MYO5B: variants seen among roughly 807,000 people sequenced by gnomAD.
MYO5B encodes the protein unconventional myosin-Vb.
A neutral mutation model predicts 229.3 loss-of-function variants in MYO5B; 143 were observed. That is an observed-to-expected ratio of 0.62 (90% CI 0.54 to 0.72). The LOEUF (loss-of-function observed/expected upper bound fraction) is 0.72, where lower values mean the gene tolerates loss of function less well. Ranked by LOEUF, MYO5B falls within the 30% of genes least tolerant of loss-of-function variation. MYO5B has a pLI of 0.00. For missense variants in MYO5B, 2,321 were observed against 2,331.0 expected, an observed-to-expected ratio of 1.00 and a Z score of 0.09; for synonymous variants, 918 against 885.2, an observed-to-expected ratio of 1.04 and a Z score of -0.66.
At chr18:50,037,800 G>A (rs2029889466) in intron 3 of MYO5B, among the ~76,000 whole-genome samples, 1 of 152,174 alleles carries the variant, frequency 6.6e-6, no homozygotes, top group Non-Finnish European at 1.5e-5. Flanking sequence ...AGGAGTCTGA[G>A]AGGAATGCTT....
intron 1 of MYO5B, among the ~76,000 whole-genome samples, chr18:50,166,563 G>T (rs187349460): frequency 6.6e-6 from 1 of 151,936 alleles, no homozygotes; most frequent in Admixed American, 6.6e-5. Context: ...TAATTTACTG[G>T]GACTTTTTCA....
intron 1 of MYO5B, among the ~76,000 whole-genome samples, chr18:50,177,012 C>T (rs921882066): frequency 6.6e-6 from 1 of 152,154 alleles, no homozygotes; most frequent in South Asian, 2.1e-4. Flanking sequence ...AAACATGTTG[C>T]ACTGTAAGGG....
intron 18 of MYO5B, among the ~76,000 whole-genome samples, chr18:49,910,692 G>A (rs2024948220): frequency 6.6e-6 from 1 of 152,164 alleles, no homozygotes; most frequent in South Asian, 2.1e-4. Context: ...CTAGACTTGA[G>A]CAGCTAAGAT....
intron 1 of MYO5B, among the ~76,000 whole-genome samples, chr18:50,075,252 A>G (rs2031052739): frequency 6.6e-6 from 1 of 152,094 alleles, no homozygotes; most frequent in African/African-American, 2.4e-5. Context: ...TTGGGATTCC[A>G]TGGGTATGGA....
At chr18:49,983,241 G>A (rs144835067) in intron 8 of MYO5B, among the ~76,000 whole-genome samples, 22 of 152,268 alleles carry the variant, frequency 1.4e-4, no homozygotes, top group African/African-American at 4.6e-4. Flanking sequence ...AGGGTATTCC[G>A]GCGATTTGCA....
intron 17 of MYO5B, among the ~76,000 whole-genome samples, chr18:49,917,400 T>A (rs1480611914): frequency 4.0e-5 from 6 of 151,700 alleles, no homozygotes; most frequent in Non-Finnish European, 5.9e-5. Flanking sequence ...CCATGCAGCA[T>A]CTTTGGATCA....
At chr18:50,066,888 C>CA (rs1409846811) in intron 1 of MYO5B, among the ~76,000 whole-genome samples, 4 of 152,130 alleles carry the variant, frequency 2.6e-5, no homozygotes, top group African/African-American at 9.7e-5. Context: ...ATTGAGCTGT[C>CA]AGATAACCAT....
At chr18:49,941,640 A>G (rs1025839550) in intron 14 of MYO5B, among the ~76,000 whole-genome samples, 5 of 152,072 alleles carry the variant, frequency 3.3e-5, no homozygotes, top group African/African-American at 9.7e-5. Flanking sequence ...TCCTATTCTC[A>G]GCTTCTCAGC....
chr18:50,076,324 T>C (rs965256412), intron 1 of MYO5B, among the ~76,000 whole-genome samples: 1 of 152,020 alleles, frequency 6.6e-6, no homozygotes, highest in African/African-American at 2.4e-5. Flanking sequence ...TGGACGATCA[T>C]ACCATGTTCC....
Position 50,092,245 on chromosome 18 carries a change from A to G in MYO5B, c.28-36867T>C, listed in dbSNP as rs539582780. On this transcript the variant is annotated intron_variant, in intron 1 of 39. Coordinates refer to ENST00000285039, the MANE Select transcript of MYO5B (RefSeq NM_001080467.3). ...ATTAGAAGAGAAAAATGATAAGCCA[A>G]AAAACTGTAGTAGCAGATGCAGCCC... Among the ~76,000 whole-genome samples the G allele has an allele frequency of 8.5e-5, 13 of 152,378 alleles. No individual in the cohort carries two copies. The South Asian group carries it at 2.1e-3, about 24-fold the overall frequency.
chr18:49,859,165 G>A (rs1011865836), intron 29 of MYO5B, among the ~76,000 whole-genome samples: 3 of 152,318 alleles, frequency 2.0e-5, no homozygotes, highest in East Asian at 1.9e-4. Context: ...TAATGAGCCC[G>A]TGGCCCGGGC....
intron 1 of MYO5B, among the ~76,000 whole-genome samples, chr18:50,084,560 T>C (rs1159939929): frequency 1.1e-4 from 16 of 152,268 alleles, no homozygotes; most frequent in Non-Finnish European, 1.6e-4. Flanking sequence ...GCTCTGATGG[T>C]AGTGACAACA....
chr18:50,087,947 G>A (rs1027498228), intron 1 of MYO5B, among the ~76,000 whole-genome samples: 3 of 152,224 alleles, frequency 2.0e-5, no homozygotes, highest in African/African-American at 7.2e-5. Flanking sequence ...CAGGGGTTGG[G>A]TACCACAGAA....
intron 1 of MYO5B, among the ~76,000 whole-genome samples, chr18:50,163,979 AG>A (rs535837051): frequency 0.01 from 1,227 of 118,196 alleles, 13 homozygotes; most frequent in African/African-American, 0.034. Context: ...TCTATTTAAA[AG>A]AAAAATATCA....
At position 49,826,564 on chromosome 18, in the gene MYO5B, A is replaced by G; in HGVS notation, c.5454T>C (p.Phe1818=). 6.2e-7 allele frequency: 1 copy of G among 1,614,074 alleles called. No homozygotes were observed. Among genetic ancestry groups the G allele is most frequent in the Non-Finnish European group, 8.5e-7 (1 of 1,179,958 alleles). The stretch of plus-strand genomic sequence containing the variant: ...ATGGATTAAATGGAAACAAAACAGG[A>G]AACATGTGCTTGGCATCTAATAGCA... The part of the protein sequence containing the change: ...QQLLLDAKHM[F]PVLFPFNPSS... Residue 1818 remains phenylalanine (F), a synonymous_variant, in exon 40 of 40, where the codon TTT becomes TTC. Transcript: ENST00000285039.
At chr18:49,975,732 C>T (rs2025742801) in intron 9 of MYO5B, among the ~76,000 whole-genome samples, 1 of 152,092 alleles carries the variant, frequency 6.6e-6, no homozygotes. Flanking sequence ...TTCCTACAGG[C>T]AAAAAGCTGA....
At chr18:49,925,467 C>T (rs1435241946) in intron 17 of MYO5B, among the ~76,000 whole-genome samples, 2 of 152,222 alleles carry the variant, frequency 1.3e-5, no homozygotes, top group Non-Finnish European at 2.9e-5. Context: ...CTGAGGGCTG[C>T]GTCATGGGCC....
chr18:50,023,230 A>C (rs1205784873), intron 4 of MYO5B, among the ~76,000 whole-genome samples: 1 of 152,094 alleles, frequency 6.6e-6, no homozygotes, highest in African/African-American at 2.4e-5. Context: ...AGCCCACCTC[A>C]GTTCTAGAGG....
chr18:49,954,562 T>A, intron 12 of MYO5B, 127 bp from the exon 13 acceptor site: 1 of 1,212,864 alleles, frequency 8.2e-7, no homozygotes, highest in Non-Finnish European at 1.2e-6. Flanking sequence ...ACCAGGACCT[T>A]AACTGGACGG....
Sources: allele counts gnomAD v4.1 joint callset (sites outside exome capture counted in the v4.1 genomes callset), GRCh38; gene constraint gnomAD v4.1.1; transcripts MANE v1.5; gene names NCBI Gene and HGNC (gene_info 2026-07-23, HGNC 2026-07-21).